PALLD: variants seen among roughly 807,000 people sequenced by gnomAD.
PALLD encodes the protein palladin, cytoskeletal associated protein.
PALLD carries 61 observed loss-of-function variants against 123.5 expected under a neutral mutation model. The ratio of observed to expected loss-of-function variants is 0.49; its 90% CI spans 0.40 to 0.61. PALLD has a LOEUF of 0.61. Among genes scored for constraint, PALLD ranks in the 20% least tolerant of loss-of-function variants. The pLI, the probability that PALLD is intolerant of heterozygous loss-of-function variation, is 0.00. For synonymous variants in PALLD, 465 were observed against 496.4 expected (o/e 0.94, Z 0.84); for missense variants, 1,273 against 1,377.0 (o/e 0.92, Z 1.20).
At chr4:168,875,722 C>T (rs977297841) in intron 10 of PALLD, among the ~76,000 whole-genome samples, 11 of 152,212 alleles carry the variant, frequency 7.2e-5, no homozygotes, top group African/African-American at 2.7e-4. Context: ...CAGCTTTAAG[C>T]CCACTTGGGT....
intron 1 of PALLD, among the ~76,000 whole-genome samples, chr4:168,508,171 A>T (rs1015288179): frequency 5.9e-5 from 9 of 152,170 alleles, no homozygotes; most frequent in African/African-American, 2.2e-4. Context: ...AGAAATCATA[A>T]ATGTTAGAGA....
intron 10 of PALLD, among the ~76,000 whole-genome samples, chr4:168,774,372 C>T (rs549745132): frequency 3.3e-5 from 5 of 151,968 alleles, no homozygotes; most frequent in African/African-American, 1.2e-4. Flanking sequence ...ACATATTTAA[C>T]GTATGCAATG....
chr4:168,635,563 A>T (rs970883902), intron 2 of PALLD, among the ~76,000 whole-genome samples: 1 of 152,244 alleles, frequency 6.6e-6, no homozygotes, highest in South Asian at 2.1e-4. Context: ...GCCATAGTCT[A>T]ATAGTCCATT....
At chr4:168,682,686 T>C (rs765268668) in intron 4 of PALLD, among the ~76,000 whole-genome samples, 5 of 152,288 alleles carry the variant, frequency 3.3e-5, no homozygotes, top group Non-Finnish European at 5.9e-5. Flanking sequence ...GATTTTCAAG[T>C]TTAATACGTT....
chr4:168,794,416 C>T (rs543766519), intron 10 of PALLD, among the ~76,000 whole-genome samples: 29 of 151,818 alleles, frequency 1.9e-4, no homozygotes, highest in East Asian at 7.8e-4. Context: ...AACACACATG[C>T]GCACACGCAT....
rs150613140 is a variant in PALLD, at chr4:168,856,565, G to A, written c.1965-34357G>A. Among the ~76,000 whole-genome samples the A allele has an allele frequency of 5.3e-3, 806 of 152,264 alleles. 3 individuals carry two copies. Among genetic ancestry groups the A allele is most frequent in the Middle Eastern group, 0.034 (10 of 294 alleles). ...GACTGGTGTGAGATGGTATCTCATCGTGGTTTTGGTTTGCATTTCTCTGAT... is the reference window on the plus strand; with the variant it reads ...GACTGGTGTGAGATGGTATCTCATCATGGTTTTGGTTTGCATTTCTCTGAT... On this transcript the variant is annotated intron_variant, in intron 10 of 21. Coordinates refer to ENST00000505667, the MANE Select transcript of PALLD (RefSeq NM_001166108.2).
intron 10 of PALLD, among the ~76,000 whole-genome samples, chr4:168,729,352 C>T (rs1039348012): frequency 9.3e-5 from 14 of 151,230 alleles, no homozygotes; most frequent in East Asian, 3.9e-4. Flanking sequence ...TTTTTAGAGA[C>T]GGGGTCTTGC....
At chr4:168,721,513 C>T (rs558963612) in intron 10 of PALLD, among the ~76,000 whole-genome samples, 1 of 152,222 alleles carries the variant, frequency 6.6e-6, no homozygotes, top group East Asian at 1.9e-4. Flanking sequence ...GAAGAAAATA[C>T]ACCAAAGTGT....
chr4:168,627,813 A>T (rs1775444926), intron 2 of PALLD, among the ~76,000 whole-genome samples: 1 of 152,252 alleles, frequency 6.6e-6, no homozygotes, highest in Non-Finnish European at 1.5e-5. Flanking sequence ...GGAACACTAT[A>T]TAAACAATAA....
At chr4:168,678,970 T>TGTGC (rs923905028) in intron 3 of PALLD, among the ~76,000 whole-genome samples, 2 of 135,368 alleles carry the variant, frequency 1.5e-5, no homozygotes, top group African/African-American at 5.6e-5. Context: ...GTGTGATGTG[T>TGTGC]GTGGTGTGGG....
At chr4:168,612,049 A>G (rs1773781175) in intron 2 of PALLD, among the ~76,000 whole-genome samples, 5 of 152,142 alleles carry the variant, frequency 3.3e-5, no homozygotes, top group Admixed American at 3.3e-4. Context: ...AGTCCCAGCT[A>G]CTTGGGAAGC....
At chr4:168,594,546 T>G (rs969649518) in intron 2 of PALLD, among the ~76,000 whole-genome samples, 13 of 152,168 alleles carry the variant, frequency 8.5e-5, no homozygotes, top group African/African-American at 2.9e-4. Context: ...ACCGGTATAG[T>G]GAAAGAGCAT....
chr4:168,601,559 T>C (rs1278689266), intron 2 of PALLD, among the ~76,000 whole-genome samples: 2 of 152,112 alleles, frequency 1.3e-5, no homozygotes, highest in African/African-American at 2.4e-5. Context: ...CAAAGCCAAA[T>C]CAAACTCCAT....
rs918769952 is a variant in PALLD, at chr4:168,508,224, G to C, written c.-82-3199G>C. 3.9e-5 allele frequency among the ~76,000 whole-genome samples: 6 copies of C among 151,932 alleles called. No individual in the cohort carries two copies. In the South Asian group the frequency reaches 6.2e-4, roughly 16 times the overall value. On this transcript the variant is annotated intron_variant, in intron 1 of 21. Coordinates refer to ENST00000505667, the MANE Select transcript of PALLD (RefSeq NM_001166108.2). Reference sequence around the variant, plus strand: ...CTGATCTGATCACTATAAATTGTACGTATTGAAACATCACTAGGTACCCCA... The same window carrying C: ...CTGATCTGATCACTATAAATTGTACCTATTGAAACATCACTAGGTACCCCA...
At chr4:168,604,114 T>C (rs561404067) in intron 2 of PALLD, among the ~76,000 whole-genome samples, 138 of 152,216 alleles carry the variant, frequency 9.1e-4, no homozygotes, top group African/African-American at 3.2e-3. Flanking sequence ...AGAGCTGCAG[T>C]GAGAAACAAG....
intron 10 of PALLD, among the ~76,000 whole-genome samples, chr4:168,780,561 ATCCTTT>A (rs1409490528): frequency 6.6e-6 from 1 of 152,216 alleles, no homozygotes; most frequent in Non-Finnish European, 1.5e-5. Flanking sequence ...ATCCTGCCTC[ATCCTTT>A]TCCTTTTCTG....
At chr4:168,580,219 A>G (rs1467324971) in intron 2 of PALLD, among the ~76,000 whole-genome samples, 1 of 150,556 alleles carries the variant, frequency 6.6e-6, no homozygotes, top group African/African-American at 2.5e-5. Context: ...CTTTTTAAAG[A>G]CTGAATATTA....
chr4:168,709,275 C>T (rs896777548), intron 9 of PALLD, 128 bp downstream of exon 9: 16 of 923,064 alleles, frequency 1.7e-5, no homozygotes, highest in African/African-American at 1.3e-4. Flanking sequence ...TTTGGGAGGC[C>T]GAGGCAGGCA....
intron 10 of PALLD, among the ~76,000 whole-genome samples, chr4:168,736,665 G>A (rs1000388051): frequency 9.9e-5 from 15 of 152,280 alleles, no homozygotes; most frequent in Non-Finnish European, 2.1e-4. Flanking sequence ...TAGGTGCAAA[G>A]GATCTCCATC....
Sources: gnomAD v4.1 joint callset for allele counts (sites outside exome capture counted in the v4.1 genomes callset) on GRCh38, gnomAD v4.1.1 for gene constraint, MANE v1.5 for transcripts, NCBI Gene and HGNC (gene_info 2026-07-23, HGNC 2026-07-21) for gene names.